The following AKAP6 variants were observed in gnomAD, a reference collection of about 807,000 sequenced individuals.
The protein encoded by AKAP6 is A-kinase anchor protein 6.
AKAP6 carries 58 observed loss-of-function variants against 188.5 expected under a neutral mutation model. The observed-to-expected ratio is 0.31, with a 90% CI of 0.25 to 0.38. The LOEUF is 0.38. Ranked by LOEUF, AKAP6 falls within the 10% of genes least tolerant of loss-of-function variation. The pLI, the probability that AKAP6 is intolerant of heterozygous loss-of-function variation, is 1.00. For missense variants in AKAP6, 2,710 were observed against 2,740.0 expected (o/e 0.99, Z 0.24); for synonymous variants, 989 against 998.6 (o/e 0.99, Z 0.18).
At position 32,545,470 on chromosome 14, in the gene AKAP6, G is replaced by T; in HGVS notation, c.817G>T (p.Gly273Cys). Residue 273 changes from glycine (G) to cysteine (C), a missense_variant, in exon 4 of 14, where the codon GGT (glycine) becomes TGT (cysteine). Physicochemically the swap from Gly to Cys is radical, Grantham distance 159 (BLOSUM62 -3). Coordinates refer to ENST00000280979, the MANE Select transcript of AKAP6 (RefSeq NM_004274.5). ...KEFPELIRSV[G>C]LLTVAADSIS... ...GTTTCCTGAGCTTATCCGAAGTGTTGGTTTACTTACGGTAGCTGCTGACTC... is the reference window on the plus strand; with the variant it reads ...GTTTCCTGAGCTTATCCGAAGTGTTTGTTTACTTACGGTAGCTGCTGACTC... The T allele has an allele frequency of 6.2e-7, 1 of 1,614,204 alleles. No individual in the cohort carries two copies. The highest frequency in any genetic ancestry group is 8.5e-7 in the Non-Finnish European group (1 of 1,180,022).
Position 32,735,711 on chromosome 14 carries a change from T to C in AKAP6, c.3201T>C (p.Ser1067=). The change falls in exon 11 of 14, where the codon AGT becomes AGC. Residue 1067 remains serine (S), a synonymous_variant. Coordinates refer to ENST00000280979, the MANE Select transcript of AKAP6 (RefSeq NM_004274.5). The part of the protein sequence containing the change: ...QDTMAGHSGS[S]PRDLLSPESG... ...CAATGGCAGGGCACAGTGGGTCGAG[T>C]CCACGTGACCTGCTCTCTCCTGAAA... The C allele has an allele frequency of 6.2e-7, 1 of 1,613,312 alleles. No individual in the cohort carries two copies. The highest frequency in any genetic ancestry group is 8.5e-7 in the Non-Finnish European group (1 of 1,179,708).
intron 1 of AKAP6, among the ~76,000 whole-genome samples, chr14:32,362,957 C>T (rs1887712482): frequency 1.3e-5 from 2 of 152,018 alleles, no homozygotes; most frequent in Admixed American, 6.6e-5. Context: ...AGGTATATGT[C>T]AAGACTTTGA....
chr14:32,675,658 T>C (rs1268033585), intron 7 of AKAP6, among the ~76,000 whole-genome samples: 1 of 152,202 alleles, frequency 6.6e-6, no homozygotes, highest in African/African-American at 2.4e-5. Flanking sequence ...GAAATAGAAA[T>C]AGAGATGGAT....
At chr14:32,507,724 A>G (rs1880952371) in intron 2 of AKAP6, among the ~76,000 whole-genome samples, 1 of 152,232 alleles carries the variant, frequency 6.6e-6, no homozygotes, top group Non-Finnish European at 1.5e-5. Context: ...TGGGACAGGC[A>G]TTGTAGAGGA....
chr14:32,715,288 A>G (rs560546710), intron 9 of AKAP6, among the ~76,000 whole-genome samples: 5 of 152,130 alleles, frequency 3.3e-5, no homozygotes, highest in South Asian at 4.1e-4. Flanking sequence ...TAATTATTTT[A>G]CTTTTACTTA....
Position 32,821,263 on chromosome 14 carries a change from G to T in AKAP6, c.3589-139G>T, listed in dbSNP as rs2034511314. 2.3e-5 allele frequency: 19 copies of T among 842,054 alleles called. 1 individual carries two copies. In the South Asian group the frequency reaches 3.7e-4, roughly 17 times the overall value. The allele number at this position is 842,054 out of a possible 1,614,324, so 52.2% of individuals were successfully genotyped here. ...GGGTGTTATTTCAGAGAGGAATAGA[G>T]TTGATAATTAGGCCGTCTTTCAAGT... On this transcript the variant is annotated intron_variant, in intron 12 of 13. Coordinates refer to ENST00000280979, the MANE Select transcript of AKAP6 (RefSeq NM_004274.5).
At position 32,822,961 on chromosome 14, in the gene AKAP6, A is replaced by G. The variant is rs141377397; in HGVS notation, c.5148A>G (p.Ala1716=). 2.4e-5 allele frequency: 38 copies of G among 1,613,792 alleles called. No homozygotes were observed. Among genetic ancestry groups the G allele is most frequent in the Admixed American group, 5.0e-5 (3 of 59,948 alleles). Residue 1716 remains alanine (A), a synonymous_variant, in exon 13 of 14, where the codon GCA becomes GCG. Coordinates refer to ENST00000280979, the MANE Select transcript of AKAP6 (RefSeq NM_004274.5). ...AGAACAAGATCCCGGAATCGAATGC[A>G]TCGTTCAGGAAGCGTCTGACTCGTT... ...LHKNKIPESN[A]SFRKRLTRSV... is the part of the protein sequence containing the mutation.
At chr14:32,538,066 C>A (rs1464061493) in intron 3 of AKAP6, among the ~76,000 whole-genome samples, 1 of 152,184 alleles carries the variant, frequency 6.6e-6, no homozygotes, top group Non-Finnish European at 1.5e-5. Context: ...AGTAGATTTT[C>A]AGTTATCCGC....
rs71432053 is a variant in AKAP6, at chr14:32,420,909, TTG to T, written c.-34-12525_-34-12524del. ...TAAGAAAAGTGTGCAGGAGATTGAT[TTG>T]TGTGTGTGTGTGTGTGTGTGTGTGT... On this transcript the variant is annotated intron_variant, in intron 1 of 13. Coordinates refer to ENST00000280979, the MANE Select transcript of AKAP6 (RefSeq NM_004274.5). Among the ~76,000 whole-genome samples, 942 of 146,504 alleles carry T rather than the reference TTG, an allele frequency of 6.4e-3. 6 individuals carry two copies. The highest frequency in any genetic ancestry group is 0.021 in the African/African-American group (847 of 39,770).
intron 9 of AKAP6, among the ~76,000 whole-genome samples, chr14:32,717,608 T>TCTCA (rs1555355451): frequency 6.8e-6 from 1 of 147,736 alleles, no homozygotes; most frequent in African/African-American, 2.5e-5. Context: ...TTGTCTCTTA[T>TCTCA]CACACACACA....
At chr14:32,815,373 G>C (rs968807889) in intron 12 of AKAP6, among the ~76,000 whole-genome samples, 1 of 152,184 alleles carries the variant, frequency 6.6e-6, no homozygotes, top group Admixed American at 6.5e-5. Context: ...GATAGATAGT[G>C]AGCAGGATTT....
At chr14:32,450,713 T>A (rs1484308783) in intron 2 of AKAP6, among the ~76,000 whole-genome samples, 1 of 152,144 alleles carries the variant, frequency 6.6e-6, no homozygotes, top group Admixed American at 6.6e-5. Context: ...TATTAAGAGA[T>A]TTATACTGCA....
At chr14:32,535,497 C>A in intron 2 of AKAP6, 57 bp from the exon 3 acceptor site, 1 of 1,561,852 alleles carries the variant, frequency 6.4e-7, no homozygotes. Flanking sequence ...ACTACCCTCA[C>A]CTCCCTCCAG....
intron 2 of AKAP6, among the ~76,000 whole-genome samples, chr14:32,494,540 TG>T (rs761207507): frequency 6.3e-4 from 96 of 152,312 alleles, no homozygotes; most frequent in Non-Finnish European, 1.2e-3. Context: ...TTCATAATTA[TG>T]AAAAATGCTT....
intron 1 of AKAP6, among the ~76,000 whole-genome samples, chr14:32,426,221 G>A (rs1362919125): frequency 6.6e-6 from 1 of 152,048 alleles, no homozygotes; most frequent in Non-Finnish European, 1.5e-5. Context: ...GCTTTTGTTT[G>A]TTTGTTTTTG....
chr14:32,753,390 T>A (rs577977178), intron 11 of AKAP6, among the ~76,000 whole-genome samples: 1 of 152,320 alleles, frequency 6.6e-6, no homozygotes, highest in African/African-American at 2.4e-5. Flanking sequence ...TTCTTGCTGT[T>A]TGGTTAAGTT....
At chr14:32,768,016 A>G (rs1375965950) in intron 11 of AKAP6, among the ~76,000 whole-genome samples, 2 of 152,190 alleles carry the variant, frequency 1.3e-5, no homozygotes, top group Non-Finnish European at 2.9e-5. Context: ...ACATTTTATT[A>G]CATGCCTCTT....
At chr14:32,409,761 A>G (rs1292308985) in intron 1 of AKAP6, among the ~76,000 whole-genome samples, 1 of 152,258 alleles carries the variant, frequency 6.6e-6, no homozygotes, top group Non-Finnish European at 1.5e-5. Flanking sequence ...ATAAAATTCT[A>G]CATGTTCCAA....
intron 7 of AKAP6, among the ~76,000 whole-genome samples, chr14:32,653,159 A>G (rs190816037): frequency 3.0e-4 from 46 of 152,308 alleles, no homozygotes; most frequent in African/African-American, 6.7e-4. Flanking sequence ...ATTAGTTGGC[A>G]TATATGTTTG....
Sources: gnomAD v4.1 joint callset for allele counts (sites outside exome capture counted in the v4.1 genomes callset) on GRCh38, gnomAD v4.1.1 for gene constraint, MANE v1.5 for transcripts, NCBI Gene and HGNC (gene_info 2026-07-23, HGNC 2026-07-21) for gene names.